SYT9: variants seen among roughly 807,000 people sequenced by gnomAD.
The protein encoded by SYT9 is synaptotagmin 9, also known as synaptotagmin-9.
In SYT9, 22 loss-of-function variants were observed where a neutral mutation model predicts 48.4. The observed-to-expected ratio is 0.45, with a 90% CI of 0.32 to 0.65. SYT9 has a LOEUF of 0.65. SYT9 is among the 30% of genes least tolerant of loss of function. SYT9 has a pLI of 0.03. For missense variants in SYT9, 577 were observed against 622.0 expected (o/e 0.93, Z 0.77); for synonymous variants, 265 against 245.0 (o/e 1.08, Z -0.76).
chr11:7,374,960 A>G (rs10769783), intron 3 of SYT9, among the ~76,000 whole-genome samples: 19,629 of 152,106 alleles, frequency 0.13, 1,727 homozygotes, highest in African/African-American at 0.24. Context: ...TTTTGTTGCC[A>G]TTGCTTTCGG....
chr11:7,417,799 TC>T (rs1847279829), intron 4 of SYT9, among the ~76,000 whole-genome samples, 157 bp from the exon 5 acceptor site: 1 of 152,130 alleles, frequency 6.6e-6, no homozygotes, highest in African/African-American at 2.4e-5. Flanking sequence ...AACTAGTTGC[TC>T]CCCAGATATC....
intron 2 of SYT9, 134 bp downstream of exon 2, chr11:7,303,524 G>T: frequency 1.3e-6 from 1 of 796,048 alleles, no homozygotes; most frequent in South Asian, 1.9e-5. Flanking sequence ...ATGAATATGG[G>T]AAAACTCCAT....
chr11:7,263,528 C>T (rs1848118256), intron 1 of SYT9, among the ~76,000 whole-genome samples: 1 of 152,180 alleles, frequency 6.6e-6, no homozygotes, highest in African/African-American at 2.4e-5. Context: ...AGTCAAACAA[C>T]TGGTTAGAAG....
intron 1 of SYT9, among the ~76,000 whole-genome samples, chr11:7,274,317 CT>C (rs576480483): frequency 0.14 from 16,882 of 124,868 alleles, 780 homozygotes; most frequent in East Asian, 0.21. Context: ...TGAAGTTCAT[CT>C]TTTTTTTTTT....
At chr11:7,454,203 C>T in intron 6 of SYT9, 1 of 985,330 alleles carries the variant, frequency 1.0e-6, no homozygotes, top group South Asian at 4.7e-5. Context: ...TTTTAATACT[C>T]AAATACCCTG....
At chr11:7,413,281 T>C (rs1847174918) in intron 3 of SYT9, among the ~76,000 whole-genome samples, 1 of 152,210 alleles carries the variant, frequency 6.6e-6, no homozygotes, top group Non-Finnish European at 1.5e-5. Flanking sequence ...ATCTCCTCCC[T>C]GGCCTGGTGG....
upstream of SYT9, among the ~76,000 whole-genome samples, chr11:7,250,101 T>C (rs1847841370): frequency 6.6e-6 from 1 of 152,204 alleles, no homozygotes; most frequent in African/African-American, 2.4e-5. Flanking sequence ...TTGCCAGTCT[T>C]CACTCTCTCC....
chr11:7,434,712 CATG>C (rs913015743), intron 6 of SYT9, among the ~76,000 whole-genome samples: 21 of 152,160 alleles, frequency 1.4e-4, no homozygotes, highest in Admixed American at 1.1e-3. Context: ...ACATTGAAGG[CATG>C]ATGTTGTCAA....
intron 5 of SYT9, among the ~76,000 whole-genome samples, chr11:7,420,167 C>G (rs1847323610): frequency 6.6e-6 from 1 of 152,108 alleles, no homozygotes; most frequent in Admixed American, 6.5e-5. Context: ...GCCATTATTG[C>G]AAGAAACTCA....
chr11:7,316,486 C>G (rs1283914000), intron 3 of SYT9, among the ~76,000 whole-genome samples: 1 of 152,032 alleles, frequency 6.6e-6, no homozygotes, highest in Non-Finnish European at 1.5e-5. Flanking sequence ...GCTTATGTAT[C>G]TTCATTGCTA....
At chr11:7,373,106 CT>C (rs1213143723) in intron 3 of SYT9, among the ~76,000 whole-genome samples, 2 of 152,042 alleles carry the variant, frequency 1.3e-5, no homozygotes, top group Non-Finnish European at 2.9e-5. Flanking sequence ...GACGTGTATT[CT>C]TAATACTGAT....
intron 3 of SYT9, among the ~76,000 whole-genome samples, chr11:7,360,855 T>C (rs1307583371): frequency 6.6e-6 from 1 of 152,188 alleles, no homozygotes; most frequent in Non-Finnish European, 1.5e-5. Flanking sequence ...TTGAGGTGGG[T>C]TTTAAATAAC....
chr11:7,437,443 C>T (rs1325627106), intron 6 of SYT9, among the ~76,000 whole-genome samples: 1 of 152,036 alleles, frequency 6.6e-6, no homozygotes, highest in Non-Finnish European at 1.5e-5. Flanking sequence ...AAATAGACTA[C>T]TGGTCACAAT....
At chr11:7,418,635 C>A (rs138625717) in intron 5 of SYT9, among the ~76,000 whole-genome samples, 19 of 152,270 alleles carry the variant, frequency 1.2e-4, no homozygotes, top group African/African-American at 3.6e-4. Context: ...TGAAAACAAA[C>A]ACAGAAATGT....
intron 3 of SYT9, among the ~76,000 whole-genome samples, chr11:7,396,986 A>G (rs1846767732): frequency 6.6e-6 from 1 of 152,082 alleles, no homozygotes; most frequent in Non-Finnish European, 1.5e-5. Context: ...TGAAGAGCAA[A>G]AGTTTTTTAC....
At chr11:7,365,194 C>T (rs1301213790) in intron 3 of SYT9, among the ~76,000 whole-genome samples, 1 of 151,170 alleles carries the variant, frequency 6.6e-6, no homozygotes, top group Non-Finnish European at 1.5e-5. Context: ...AAAAAAAAAG[C>T]GATGAAATTA....
chr11:7,395,371 A>G (rs908481333), intron 3 of SYT9, among the ~76,000 whole-genome samples: 1 of 151,886 alleles, frequency 6.6e-6, no homozygotes, highest in African/African-American at 2.4e-5. Context: ...CAATCTGTCA[A>G]GTGTCTAATT....
At chr11:7,432,576 AAAAAAAATATATATACAT>A (rs1847613945) in intron 6 of SYT9, among the ~76,000 whole-genome samples, 35 of 12,000 alleles carry the variant, frequency 2.9e-3, no homozygotes, top group Non-Finnish European at 3.7e-3. Flanking sequence ...AAAAAAAAAA[AAAAAAAATATATATACAT>A]ATATATATAT....
chr11:7,420,416 A>G (rs926251427), intron 5 of SYT9, 90 bp from the exon 6 acceptor site: 2 of 1,496,578 alleles, frequency 1.3e-6, no homozygotes, highest in Non-Finnish European at 1.8e-6. Flanking sequence ...AAAAAACCAC[A>G]TCCCCAATTC....
Sources: allele counts gnomAD v4.1 joint callset (sites outside exome capture counted in the v4.1 genomes callset), GRCh38; gene constraint gnomAD v4.1.1; transcripts MANE v1.5; gene names NCBI Gene and HGNC (gene_info 2026-07-23, HGNC 2026-07-21).